The following ABHD12B variants were observed in gnomAD, a reference collection of about 807,000 sequenced individuals.
The protein encoded by ABHD12B is abhydrolase domain containing 12B.
In ABHD12B, 42 loss-of-function variants were observed where a neutral mutation model predicts 50.4. That is an observed-to-expected ratio of 0.83 (90% confidence interval 0.65 to 1.08). ABHD12B has a LOEUF of 1.08. ABHD12B is among the 50% of genes least tolerant of loss of function. The pLI is 0.00. For missense variants in ABHD12B, 479 were observed against 447.7 expected (o/e 1.07, Z -0.63); for synonymous variants, 167 against 160.3 (o/e 1.04, Z -0.32).
chr14:50,885,468 T>C, intron 5 of ABHD12B, 146 bp from the exon 6 acceptor site: 1 of 818,820 alleles, frequency 1.2e-6, no homozygotes, highest in South Asian at 1.6e-5. Context: ...TTCTAGGTTC[T>C]GCAGTTAAAA....
intron 1 of ABHD12B, 21 bp downstream of exon 1, chr14:50,872,299 C>CCCTGG (rs933627545): frequency 1.1e-4 from 140 of 1,277,644 alleles, no homozygotes; most frequent in Non-Finnish European, 1.4e-4. Flanking sequence ...CCCGGTCCAC[C>CCCTGG]CCTGGCCGGG....
At chr14:50,879,587 T>C (rs1238834120) in intron 3 of ABHD12B, among the ~76,000 whole-genome samples, 2 of 152,252 alleles carry the variant, frequency 1.3e-5, no homozygotes, top group African/African-American at 2.4e-5. Flanking sequence ...ACCTGTTTTC[T>C]ATTTCATCTC....
chr14:50,874,615 T>G (rs1170463293), intron 1 of ABHD12B, among the ~76,000 whole-genome samples: 2 of 149,668 alleles, frequency 1.3e-5, no homozygotes, highest in Non-Finnish European at 3.0e-5. Context: ...AAAATAATAA[T>G]AAAAAAAGAA....
Position 50,898,872 on chromosome 14 carries a change from G to A in ABHD12B, c.781-2957G>A, listed in dbSNP as rs191134403. ...AGTTGCTATGAGACCAGGCCAAAAA[G>A]TTCAGGCCAGACAAATCCCACAGAA... On this transcript the variant is annotated intron_variant, in intron 9 of 12. Transcript: ENST00000337334. 1.6e-3 allele frequency among the ~76,000 whole-genome samples: 246 copies of A among 152,296 alleles called. 3 individuals are homozygous for A. The highest frequency in any genetic ancestry group is 0.016 in the Admixed American group (238 of 15,284).
At chr14:50,898,942 C>T (rs2050230445) in intron 9 of ABHD12B, among the ~76,000 whole-genome samples, 1 of 152,286 alleles carries the variant, frequency 6.6e-6, no homozygotes, top group East Asian at 1.9e-4. Context: ...CCTGTAATCC[C>T]AGCACTTTGG....
intron 7 of ABHD12B, 82 bp from the exon 8 acceptor site, chr14:50,886,565 G>A (rs2050040691): frequency 5.9e-6 from 8 of 1,361,294 alleles, no homozygotes; most frequent in Non-Finnish European, 8.2e-6. Flanking sequence ...AGAGCCCAGA[G>A]CTTTTATCAG....
chr14:50,875,579 C>T (rs192106212), intron 1 of ABHD12B, among the ~76,000 whole-genome samples: 11 of 152,266 alleles, frequency 7.2e-5, no homozygotes, highest in South Asian at 6.2e-4. Flanking sequence ...CCAAGGTGGC[C>T]GTTTGATGTG....
intron 9 of ABHD12B, among the ~76,000 whole-genome samples, chr14:50,896,661 C>T (rs1465512018): frequency 6.6e-6 from 1 of 150,604 alleles, no homozygotes; most frequent in African/African-American, 2.4e-5. Flanking sequence ...CAGAAGCTCC[C>T]CCACTGAGCA....
chr14:50,904,493 A>G lies in ABHD12B; in HGVS notation c.*127A>G. On this transcript the variant is annotated 3_prime_UTR_variant, in exon 13 of 13. Coordinates refer to ENST00000337334, the MANE Select transcript of ABHD12B (RefSeq NM_001206673.2). ...GAGGCCATTGACTTCTCTACAAATC[A>G]CTTGCCATTTTAACAACAGAAAGTA... is the stretch of plus-strand genomic sequence containing the variant. 8.4e-7 allele frequency: 1 copy of G among 1,196,686 alleles called. No individual in the cohort carries two copies. The highest frequency in any genetic ancestry group is 1.2e-6 in the Non-Finnish European group (1 of 818,190). The allele number at this position is 1,196,686 out of a possible 1,614,324, so 74.1% of individuals were successfully genotyped here. A position where few individuals can be genotyped will look rare whatever the true frequency, so the allele number is the denominator to read the frequency against.
chr14:50,885,892 C>G lies in ABHD12B; in HGVS notation c.659C>G (p.Thr220Arg), dbSNP rs1324330989. 6.2e-7 allele frequency: 1 copy of G among 1,613,890 alleles called. No homozygotes were observed. Among genetic ancestry groups the G allele is most frequent in the Non-Finnish European group, 8.5e-7 (1 of 1,180,018 alleles). Residue 220 changes from threonine (T) to arginine (R), a missense_variant, in exon 7 of 13, where the codon ACA (threonine) becomes AGA (arginine). By Grantham distance (71) the Thr-to-Arg change is moderately conservative. Transcript: ENST00000337334. ...TGTCTCTGGGGCCACTCTCTGGGTA[C>G]AGGGTAAGTGAGATCTGCAAATGTG... ...PVCLWGHSLG[T>R]GVATNAAKVL...
intron 1 of ABHD12B, among the ~76,000 whole-genome samples, chr14:50,875,864 C>T (rs1261172697): frequency 1.3e-5 from 2 of 152,200 alleles, no homozygotes; most frequent in African/African-American, 4.8e-5. Context: ...CCTCTACTGC[C>T]TCTGCTTCCC....
intron 9 of ABHD12B, among the ~76,000 whole-genome samples, chr14:50,899,272 G>A (rs1405342886): frequency 6.6e-6 from 1 of 152,204 alleles, no homozygotes; most frequent in Non-Finnish European, 1.5e-5. Flanking sequence ...CTATGAAGCA[G>A]CAATTTGTAT....
intron 5 of ABHD12B, among the ~76,000 whole-genome samples, chr14:50,884,337 T>G (rs1225603857): frequency 1.3e-5 from 2 of 152,234 alleles, no homozygotes; most frequent in Non-Finnish European, 2.9e-5. Flanking sequence ...CTTAGCCGCT[T>G]GGCTAACTTT....
chr14:50,899,965 C>A (rs2050244800), intron 9 of ABHD12B, among the ~76,000 whole-genome samples: 1 of 151,660 alleles, frequency 6.6e-6, no homozygotes, highest in East Asian at 1.9e-4. Flanking sequence ...GGGCCAGGCA[C>A]TGTGGCTCAT....
chr14:50,874,432 C>G (rs1343870908), intron 1 of ABHD12B, among the ~76,000 whole-genome samples: 1 of 152,012 alleles, frequency 6.6e-6, no homozygotes, highest in African/African-American at 2.4e-5. Flanking sequence ...AACCCTGTCT[C>G]TACTAAAAAT....
At chr14:50,894,365 C>A (rs2050164624) in intron 9 of ABHD12B, among the ~76,000 whole-genome samples, 2 of 151,864 alleles carry the variant, frequency 1.3e-5, no homozygotes, top group African/African-American at 4.8e-5. Flanking sequence ...CCCTTCTCTG[C>A]TTTTCTGGAG....
Position 50,904,183 on chromosome 14 carries a change from T to A in ABHD12B, c.1052T>A (p.Ile351Lys), listed in dbSNP as rs1431977567. The A allele has an allele frequency of 1.2e-6, 2 of 1,614,044 alleles. No homozygotes were observed. The highest frequency in any genetic ancestry group is 1.7e-6 in the Non-Finnish European group (2 of 1,179,978). The change falls in exon 12 of 13, where the codon ATA (isoleucine) becomes AAA (lysine). Residue 351 changes from isoleucine (I) to lysine (K), a missense_variant. Coordinates refer to ENST00000337334, the MANE Select transcript of ABHD12B (RefSeq NM_001206673.2). ...CTTTGTAAAAGCCCCACACTGTTAA[T>A]AACCGTGAGGTAAGAGTTGCTTTGC... ...NLLCKSPTLLITVRDFLSKQW... is the reference protein window; with the variant it reads ...NLLCKSPTLLKTVRDFLSKQW...
intron 9 of ABHD12B, among the ~76,000 whole-genome samples, chr14:50,899,566 C>T (rs2050238337): frequency 6.6e-6 from 1 of 152,140 alleles, no homozygotes; most frequent in Non-Finnish European, 1.5e-5. Flanking sequence ...TTGGCCATGT[C>T]CCATTTACTA....
chr14:50,875,800 A>T (rs141520713), intron 1 of ABHD12B, among the ~76,000 whole-genome samples: 1 of 152,198 alleles, frequency 6.6e-6, no homozygotes, highest in Non-Finnish European at 1.5e-5. Context: ...GCCTCGAGCT[A>T]TTTGAGAGAA....
Sources: gnomAD v4.1 joint callset for allele counts (sites outside exome capture counted in the v4.1 genomes callset) on GRCh38, gnomAD v4.1.1 for gene constraint, MANE v1.5 for transcripts, NCBI Gene and HGNC (gene_info 2026-07-23, HGNC 2026-07-21) for gene names.